TTC28: variants seen among roughly 807,000 people sequenced by gnomAD.
TTC28 encodes tetratricopeptide repeat domain 28, also known as tetratricopeptide repeat protein 28.
In TTC28, 61 loss-of-function variants were observed where a neutral mutation model predicts 198.0. That is an observed-to-expected ratio of 0.31 (90% CI 0.25 to 0.38). TTC28 has a LOEUF of 0.38. Ranked by LOEUF, TTC28 falls within the 10% of genes least tolerant of loss-of-function variation. The pLI, the probability that TTC28 is intolerant of heterozygous loss-of-function variation, is 1.00. For synonymous variants in TTC28, 1,171 were observed against 1,297.8 expected, an observed-to-expected ratio of 0.90 and a Z score of 2.10; for missense variants, 2,678 against 3,164.0, an observed-to-expected ratio of 0.85 and a Z score of 3.69.
chr22:27,985,281 T>C lies in TTC28; in HGVS notation c.5783A>G (p.His1928Arg). ...AGACAGCAGGGACTGGAGCGCGAAG[T>C]GCACAGTCCGTCGATTAGCTTGCTT... is the stretch of plus-strand genomic sequence containing the variant. ...TGKQANRRTV[H>R]FALQSLLSLF... The change falls in exon 22 of 23, where the codon CAC (histidine) becomes CGC (arginine). Residue 1928 changes from histidine to arginine, a missense_variant. Physicochemically the swap from His to Arg is conservative, Grantham distance 29. Around this residue, in one of 8 missense-constraint regions of TTC28, gnomAD observed 314 missense variants for 442.7 expected, o/e 0.71. Transcript: ENST00000397906. 1 of 1,551,544 alleles carries C rather than the reference T, an allele frequency of 6.4e-7. No individual in the cohort carries two copies. Among genetic ancestry groups the C allele is most frequent in the African/African-American group, 1.4e-5 (1 of 73,170 alleles).
chr22:28,288,639 C>G (rs2044731831), intron 5 of TTC28, among the ~76,000 whole-genome samples: 1 of 151,398 alleles, frequency 6.6e-6, no homozygotes, highest in South Asian at 2.1e-4. Context: ...AACCCCGTCT[C>G]TACTAAAAAA....
intron 5 of TTC28, among the ~76,000 whole-genome samples, chr22:28,260,838 G>C (rs1224137307): frequency 6.6e-6 from 1 of 152,118 alleles, no homozygotes; most frequent in Non-Finnish European, 1.5e-5. Flanking sequence ...GGCTGCCCTT[G>C]TCCTTTCATG....
intron 2 of TTC28, among the ~76,000 whole-genome samples, chr22:28,518,331 A>G (rs2048832967): frequency 6.6e-6 from 1 of 152,176 alleles, no homozygotes; most frequent in African/African-American, 2.4e-5. Context: ...ATGAGTATAC[A>G]AAGGCCAGGC....
At chr22:28,586,270 C>A (rs1432630526) in intron 2 of TTC28, among the ~76,000 whole-genome samples, 1 of 148,454 alleles carries the variant, frequency 6.7e-6, no homozygotes, top group Non-Finnish European at 1.5e-5. Context: ...CTGAGCGAGA[C>A]TCCGTCTCAA....
intron 2 of TTC28, among the ~76,000 whole-genome samples, chr22:28,600,731 C>T (rs1272878872): frequency 6.6e-6 from 1 of 152,102 alleles, no homozygotes; most frequent in Non-Finnish European, 1.5e-5. Context: ...ATAAATTAAA[C>T]ACAAGAGGGC....
At chr22:28,062,415 T>C (rs978436267) in intron 12 of TTC28, among the ~76,000 whole-genome samples, 7 of 30,748 alleles carry the variant, frequency 2.3e-4, no homozygotes, top group Non-Finnish European at 4.0e-4. Context: ...TAACTCTTCT[T>C]TTTTTTTTTT....
chr22:28,200,455 G>A (rs1569194186), intron 5 of TTC28, among the ~76,000 whole-genome samples: 1 of 152,016 alleles, frequency 6.6e-6, no homozygotes, highest in Non-Finnish European at 1.5e-5. Context: ...TAATACATCT[G>A]AATTAAAAAG....
At chr22:28,099,911 A>C (rs1942093866) in intron 9 of TTC28, among the ~76,000 whole-genome samples, 1 of 152,158 alleles carries the variant, frequency 6.6e-6, no homozygotes, top group Non-Finnish European at 1.5e-5. Context: ...CCAGGCTCAG[A>C]TCATCACTGG....
At chr22:28,173,109 T>C (rs1922838762) in intron 5 of TTC28, among the ~76,000 whole-genome samples, 1 of 152,186 alleles carries the variant, frequency 6.6e-6, no homozygotes, top group African/African-American at 2.4e-5. Flanking sequence ...CATCAATCAT[T>C]ATGACCAAAC....
intron 12 of TTC28, among the ~76,000 whole-genome samples, chr22:28,058,083 G>A (rs1940364130): frequency 6.6e-6 from 1 of 151,980 alleles, no homozygotes; most frequent in African/African-American, 2.4e-5. Flanking sequence ...TCAAATATCA[G>A]AAATGCTTCT....
intron 2 of TTC28, among the ~76,000 whole-genome samples, chr22:28,505,930 T>C (rs1366317832): frequency 6.6e-6 from 1 of 152,194 alleles, no homozygotes; most frequent in African/African-American, 2.4e-5. Flanking sequence ...TCTCCGTGGT[T>C]CAGTAGATTC....
At chr22:28,190,530 T>C (rs1006108311) in intron 5 of TTC28, among the ~76,000 whole-genome samples, 9 of 152,222 alleles carry the variant, frequency 5.9e-5, no homozygotes, top group African/African-American at 9.6e-5. Flanking sequence ...TATGTTAGTG[T>C]AGCAAATGGT....
At chr22:28,437,220 T>C (rs2047533937) in intron 2 of TTC28, among the ~76,000 whole-genome samples, 1 of 152,082 alleles carries the variant, frequency 6.6e-6, no homozygotes, top group Non-Finnish European at 1.5e-5. Context: ...GTTGCTGGGT[T>C]AACAAGCATG....
At chr22:28,211,395 A>C (rs1019918565) in intron 5 of TTC28, among the ~76,000 whole-genome samples, 1 of 152,136 alleles carries the variant, frequency 6.6e-6, no homozygotes, top group East Asian at 1.9e-4. Context: ...CCCATCTCAC[A>C]TGCAGACACA....
intron 14 of TTC28, among the ~76,000 whole-genome samples, chr22:28,012,121 C>A (rs971318712): frequency 1.3e-5 from 2 of 152,160 alleles, no homozygotes; most frequent in Non-Finnish European, 2.9e-5. Flanking sequence ...AAATGGTTTG[C>A]ATGACAGTCA....
In TTC28 at chr22:27,981,891, T is replaced by C; in HGVS notation, c.*330A>G. 3.8e-6 allele frequency: 1 copy of C among 263,116 alleles called. No individual in the cohort carries two copies. The highest frequency in any genetic ancestry group is 7.1e-6 in the Non-Finnish European group (1 of 140,932). 16.3% of individuals were successfully genotyped at this position (263,116 alleles called of 1,614,324 possible). A position where few individuals can be genotyped will look rare whatever the true frequency, so the allele number is the denominator to read the frequency against. ...CTTTCCTCTCCCCACCCCAGAACCA[T>C]GATCATTTTTGTACAAAATCCTGGT... On this transcript the variant is annotated 3_prime_UTR_variant, in exon 23 of 23. Transcript: ENST00000397906.
At chr22:28,021,005 GGCA>G (rs1218707906) in intron 13 of TTC28, among the ~76,000 whole-genome samples, 1 of 152,180 alleles carries the variant, frequency 6.6e-6, no homozygotes, top group African/African-American at 2.4e-5. Context: ...TGGCTTCCAA[GGCA>G]GCATTTCTGC....
At chr22:28,383,263 T>C (rs370237453) in intron 2 of TTC28, among the ~76,000 whole-genome samples, 1 of 152,228 alleles carries the variant, frequency 6.6e-6, no homozygotes, top group Non-Finnish European at 1.5e-5. Context: ...CTGTACTTAT[T>C]ACATCTATTG....
At chr22:28,567,084 G>A (rs779448308) in intron 2 of TTC28, among the ~76,000 whole-genome samples, 9 of 151,954 alleles carry the variant, frequency 5.9e-5, no homozygotes, top group East Asian at 1.9e-4. Context: ...GCATGGTGGC[G>A]GACGCCTGTA....
Sources: gnomAD v4.1 joint callset for allele counts (sites outside exome capture counted in the v4.1 genomes callset) on GRCh38, gnomAD v4.1.1 for gene constraint, gnomAD v4.1.1 regional missense constraint, MANE v1.5 for transcripts, NCBI Gene and HGNC (gene_info 2026-07-23, HGNC 2026-07-21) for gene names.